The following ZNF519 variants were observed in gnomAD, a reference collection of about 807,000 sequenced individuals.
The protein encoded by ZNF519 is similar to Zinc finger protein 85 (Zinc finger protein HPF4) (HTF1).
ZNF519 carries 7 observed loss-of-function variants against 7.4 expected under a neutral mutation model. The ratio of observed to expected loss-of-function variants is 0.94; its 90% CI spans 0.54 to 1.77. The LOEUF (loss-of-function observed/expected upper bound fraction) is 1.77, where lower values mean the gene tolerates loss of function less well. ZNF519 is among the 40% of genes most tolerant of loss of function. The probability of loss-of-function intolerance (pLI) is 0.00; values close to 1 mark genes in which losing one functional copy is unlikely to be tolerated. For missense variants in ZNF519, 586 were observed against 623.1 expected, an observed-to-expected ratio of 0.94 and a Z score of 0.63; for synonymous variants, 179 against 203.3, an observed-to-expected ratio of 0.88 and a Z score of 1.02.
intron 2 of ZNF519, among the ~76,000 whole-genome samples, chr18:14,092,713 C>T (rs994674610): frequency 3.3e-5 from 5 of 152,060 alleles, no homozygotes; most frequent in African/African-American, 1.2e-4. Flanking sequence ...GTCCACACAC[C>T]ATGCATATAT....
chr18:14,124,239 A>C (rs2046284896), intron 2 of ZNF519, 111 bp downstream of exon 2: 1 of 1,066,974 alleles, frequency 9.4e-7, no homozygotes, highest in Non-Finnish European at 1.3e-6. Context: ...TCTTGAAGAA[A>C]AGAACTGAAA....
chr18:14,096,092 G>A (rs2046135374), downstream of ZNF519, among the ~76,000 whole-genome samples: 1 of 152,238 alleles, frequency 6.6e-6, no homozygotes, highest in Non-Finnish European at 1.5e-5. Flanking sequence ...CCTGGCCTGA[G>A]GTCAGGGGCC....
intron 3 of ZNF519, among the ~76,000 whole-genome samples, chr18:14,081,550 G>A (rs1187125081): frequency 3.3e-5 from 5 of 152,152 alleles, no homozygotes; most frequent in African/African-American, 9.7e-5. Context: ...TGGCCTTTGT[G>A]CAAGGCTGTG....
At chr18:14,128,133 C>CA (rs374217542) in intron 1 of ZNF519, among the ~76,000 whole-genome samples, 3,898 of 148,782 alleles carry the variant, frequency 0.026, 137 homozygotes, top group African/African-American at 0.079. Context: ...ACTAAAAATA[C>CA]AAAAAAAAAA....
intron 2 of ZNF519, among the ~76,000 whole-genome samples, chr18:14,121,229 C>G (rs1462613995): frequency 6.6e-6 from 1 of 151,912 alleles, no homozygotes; most frequent in Non-Finnish European, 1.5e-5. Context: ...ACAAATTGAG[C>G]AAGTCTGAGA....
chr18:14,085,452 G>A (rs1466545126), intron 2 of ZNF519, among the ~76,000 whole-genome samples: 1 of 151,978 alleles, frequency 6.6e-6, no homozygotes, highest in Non-Finnish European at 1.5e-5. Context: ...AGAGAGGAAG[G>A]GGTGAGGCAA....
intron 3 of ZNF519, among the ~76,000 whole-genome samples, chr18:14,083,250 T>C (rs892558912): frequency 6.6e-6 from 1 of 152,148 alleles, no homozygotes; most frequent in Non-Finnish European, 1.5e-5. Flanking sequence ...CCAGGGAGGC[T>C]GAGGCACGAG....
downstream of ZNF519, chr18:14,073,686 A>C (rs1268511684): frequency 6.6e-6 from 1 of 151,972 alleles, no homozygotes; most frequent in Non-Finnish European, 1.5e-5. Context: ...CATGATCTTC[A>C]CTCTGTTTTT....
Position 14,104,857 on chromosome 18 carries a change from T to G in ZNF519, c.*60A>C. On this transcript the variant is annotated 3_prime_UTR_variant, in exon 3 of 3. Coordinates refer to ENST00000590202, the MANE Select transcript of ZNF519 (RefSeq NM_145287.4). ...TCTATCCAGTATTGATTTTCTAATG[T>G]TGAGTAAGGTGTGAGCACCAGTTTA... The G allele has an allele frequency of 6.9e-7, 1 of 1,443,140 alleles. No homozygotes were observed. Among genetic ancestry groups the G allele is most frequent in the Non-Finnish European group, 9.2e-7 (1 of 1,088,400 alleles). The allele number at this position is 1,443,140 out of a possible 1,614,324, so 89.4% of individuals were successfully genotyped here.
Position 14,104,816 on chromosome 18 carries a change from T to G in ZNF519, c.*101A>C. ...CTTCATTTTGATGTTTCAAAAATCA[T>G]TACACATATGGGATTTCTATCCAGT... On this transcript the variant is annotated 3_prime_UTR_variant, in exon 3 of 3. Coordinates refer to ENST00000590202, the MANE Select transcript of ZNF519 (RefSeq NM_145287.4). 7.9e-7 allele frequency: 1 copy of G among 1,260,718 alleles called. No homozygotes were observed. The highest frequency in any genetic ancestry group is 1.1e-6 in the Non-Finnish European group (1 of 944,428). The allele number at this position is 1,260,718 out of a possible 1,614,324, so 78.1% of individuals were successfully genotyped here. A position where few individuals can be genotyped will look rare whatever the true frequency, so the allele number is the denominator to read the frequency against.
At chr18:14,118,285 C>T (rs2046255382) in intron 2 of ZNF519, among the ~76,000 whole-genome samples, 1 of 152,126 alleles carries the variant, frequency 6.6e-6, no homozygotes, top group African/African-American at 2.4e-5. Flanking sequence ...GTCTCAATCT[C>T]CTGACCTCGT....
intron 2 of ZNF519, among the ~76,000 whole-genome samples, chr18:14,120,211 A>G (rs952862736): frequency 1.3e-5 from 2 of 152,158 alleles, no homozygotes; most frequent in Non-Finnish European, 2.9e-5. Context: ...ACAAAAACCA[A>G]TGGAACATAA....
rs775755384 is a variant in ZNF519 at position 14,100,872 on chromosome 18, T to C, written c.*4045A>G. The C allele has an allele frequency of 9.2e-5, 14 of 152,228 alleles. No individual in the cohort carries two copies. The highest frequency in any genetic ancestry group is 1.8e-4 in the Non-Finnish European group (12 of 68,046). 9.4% of individuals were successfully genotyped at this position (152,228 alleles called of 1,614,324 possible). On this transcript the variant is annotated 3_prime_UTR_variant, in exon 3 of 3. Coordinates refer to ENST00000590202, the MANE Select transcript of ZNF519 (RefSeq NM_145287.4). ...GTTTTGATATTTTTATAATCTTATATCTTACTATAGTTTTCTAGAGTTTTA... is the reference window on the plus strand; with the variant it reads ...GTTTTGATATTTTTATAATCTTATACCTTACTATAGTTTTCTAGAGTTTTA...
chr18:14,110,405 T>C lies in ZNF519; in HGVS notation c.131-3996A>G, dbSNP rs148556070. 1.2e-4 allele frequency among the ~76,000 whole-genome samples: 18 copies of C among 152,094 alleles called. No individual in the cohort carries two copies. In the East Asian group the frequency reaches 1.5e-3, roughly 13 times the overall value. The stretch of plus-strand genomic sequence containing the variant: ...CAAAAGAAATAATCAGCAGAGTACA[T>C]AGACAACCCACAGAGTAGCAGAAAA... On this transcript the variant is annotated intron_variant, in intron 2 of 2. Transcript: ENST00000590202.
chr18:14,107,788 G>A lies in ZNF519; in HGVS notation c.131-1379C>T, dbSNP rs140577543. On this transcript the variant is annotated intron_variant, in intron 2 of 2. Coordinates refer to ENST00000590202, the MANE Select transcript of ZNF519 (RefSeq NM_145287.4). Reference sequence around the variant, plus strand: ...TTAAGGGAACATTGGTGGTAGCCTGGCGGTATTCCCCATGGGCCTGTGGTG... The same window carrying A: ...TTAAGGGAACATTGGTGGTAGCCTGACGGTATTCCCCATGGGCCTGTGGTG... 2.0e-3 allele frequency among the ~76,000 whole-genome samples: 297 copies of A among 152,278 alleles called. 3 individuals are homozygous for A. The highest frequency in any genetic ancestry group is 6.8e-3 in the African/African-American group (284 of 41,546).
At chr18:14,124,576 T>C in intron 1 of ZNF519, 100 bp from the exon 2 acceptor site, 1 of 1,406,740 alleles carries the variant, frequency 7.1e-7, no homozygotes, top group Non-Finnish European at 9.8e-7. Context: ...TAGGATTATC[T>C]GATAAAATAA....
chr18:14,118,805 G>A (rs1177094720), intron 2 of ZNF519, among the ~76,000 whole-genome samples: 2 of 152,176 alleles, frequency 1.3e-5, no homozygotes, highest in Admixed American at 6.5e-5. Flanking sequence ...AGGCAGGCCT[G>A]TAGATCTTGG....
intron 3 of ZNF519, among the ~76,000 whole-genome samples, chr18:14,084,548 G>T (rs1443306855): frequency 1.3e-5 from 2 of 152,064 alleles, no homozygotes; most frequent in East Asian, 3.9e-4. Flanking sequence ...CCCACTTCAA[G>T]TTACAGAGCC....
At chr18:14,114,397 T>C (rs2046236198) in intron 2 of ZNF519, among the ~76,000 whole-genome samples, 1 of 152,208 alleles carries the variant, frequency 6.6e-6, no homozygotes, top group African/African-American at 2.4e-5. Context: ...AATAAATTCC[T>C]TTCCTCAATA....
Sources: gnomAD v4.1 joint callset for allele counts (sites outside exome capture counted in the v4.1 genomes callset) on GRCh38, gnomAD v4.1.1 for gene constraint, MANE v1.5 for transcripts, NCBI Gene and HGNC (gene_info 2026-07-23, HGNC 2026-07-21) for gene names.